The following ADAM12 variants were observed in gnomAD, a reference collection of about 807,000 sequenced individuals.
ADAM12 encodes disintegrin and metalloproteinase domain-containing protein 12.
In ADAM12, 70 loss-of-function variants were observed where a neutral mutation model predicts 106.4. The ratio of observed to expected loss-of-function variants is 0.66; its 90% CI spans 0.54 to 0.80. The LOEUF is 0.80. Ranked by LOEUF, ADAM12 falls within the 30% of genes least tolerant of loss-of-function variation. The pLI is 0.00. For missense variants in ADAM12, 1,010 were observed against 1,171.9 expected, an observed-to-expected ratio of 0.86 and a Z score of 2.02; for synonymous variants, 420 against 433.5, an observed-to-expected ratio of 0.97 and a Z score of 0.39.
intron 3 of ADAM12, among the ~76,000 whole-genome samples, chr10:126,193,673 G>T (rs1957544982): frequency 6.6e-6 from 1 of 152,138 alleles, no homozygotes; most frequent in South Asian, 2.1e-4. Context: ...GAAGCGAGTG[G>T]ATCACATGAG....
In ADAM12 at chr10:126,167,484, G is replaced by A. The variant is rs1212377224; in HGVS notation, c.261-12179C>T. ...AATCTATTTCCCACTTATTGCCATG[G>A]GTCAAAACTGAAAGGAACAACGAGG... On this transcript the variant is annotated intron_variant, in intron 3 of 22. Transcript: ENST00000448723. Among the ~76,000 whole-genome samples the A allele has an allele frequency of 2.0e-5, 3 of 152,156 alleles. 1 individual carries two copies. The highest frequency in any genetic ancestry group is 4.4e-5 in the Non-Finnish European group (3 of 68,030).
intron 14 of ADAM12, among the ~76,000 whole-genome samples, chr10:126,054,439 G>A (rs1395461956): frequency 1.3e-5 from 2 of 152,256 alleles, no homozygotes. Context: ...AGGTGTGGCT[G>A]AGAGAGTGAC....
At chr10:126,093,868 T>G in intron 11 of ADAM12, 117 bp downstream of exon 11, 4 of 1,486,694 alleles carry the variant, frequency 2.7e-6, no homozygotes, top group Non-Finnish European at 3.6e-6. Flanking sequence ...AATTACTTTT[T>G]GGAAGCTTCC....
chr10:126,261,310 C>T (rs912566057), intron 3 of ADAM12, among the ~76,000 whole-genome samples: 3 of 152,092 alleles, frequency 2.0e-5, no homozygotes, highest in South Asian at 2.1e-4. Context: ...AAACAACGAA[C>T]GGGCTGCATT....
chr10:126,345,641 T>C (rs975627187), intron 1 of ADAM12, among the ~76,000 whole-genome samples: 1 of 152,226 alleles, frequency 6.6e-6, no homozygotes, highest in African/African-American at 2.4e-5. Context: ...CGGCTGCGAA[T>C]CCGTCTGGTC....
intron 3 of ADAM12, 100 bp from the exon 4 acceptor site, chr10:126,155,405 T>C: frequency 7.8e-6 from 2 of 255,206 alleles, no homozygotes; most frequent in South Asian, 1.0e-4. Context: ...TGTGACCTCC[T>C]TTTTTTTTTT....
intron 2 of ADAM12, among the ~76,000 whole-genome samples, chr10:126,289,936 A>G (rs1960070824): frequency 6.6e-6 from 1 of 152,198 alleles, no homozygotes. Flanking sequence ...GAATGTGTGC[A>G]TATGTTACCT....
At chr10:126,371,930 T>C (rs1856125613) in intron 1 of ADAM12, among the ~76,000 whole-genome samples, 1 of 152,186 alleles carries the variant, frequency 6.6e-6, no homozygotes. Flanking sequence ...GTGAGTCCCA[T>C]ATAGCAGAGA....
chr10:126,265,279 A>T (rs1162094941), intron 3 of ADAM12, among the ~76,000 whole-genome samples: 1 of 152,238 alleles, frequency 6.6e-6, no homozygotes, highest in African/African-American at 2.4e-5. Flanking sequence ...CTCATATCTC[A>T]GGGAAACCAA....
chr10:126,123,180 A>C (rs1956144219), intron 5 of ADAM12, among the ~76,000 whole-genome samples: 1 of 152,228 alleles, frequency 6.6e-6, no homozygotes, highest in South Asian at 2.1e-4. Flanking sequence ...GAATTGCTGG[A>C]AACAACAGTG....
intron 3 of ADAM12, among the ~76,000 whole-genome samples, chr10:126,235,914 T>G: frequency 6.7e-6 from 1 of 150,310 alleles, no homozygotes; most frequent in Admixed American, 6.6e-5. Flanking sequence ...GAGGAGGGGG[T>G]GGCTGTACCA....
At chr10:126,277,498 A>T (rs1959322441) in intron 3 of ADAM12, among the ~76,000 whole-genome samples, 1 of 152,178 alleles carries the variant, frequency 6.6e-6, no homozygotes, top group Non-Finnish European at 1.5e-5. Flanking sequence ...TTGATCTTTC[A>T]GGGAATGCCT....
intron 1 of ADAM12, among the ~76,000 whole-genome samples, chr10:126,357,883 T>G (rs190947146): frequency 6.6e-6 from 1 of 152,334 alleles, no homozygotes; most frequent in Non-Finnish European, 1.5e-5. Flanking sequence ...ACAGCCAAGC[T>G]ATATTAGCTT....
intron 4 of ADAM12, among the ~76,000 whole-genome samples, chr10:126,141,812 G>C (rs989058173): frequency 3.9e-5 from 6 of 152,218 alleles, no homozygotes; most frequent in African/African-American, 1.4e-4. Context: ...TATTCTGAAT[G>C]CCTTCTTTAG....
At chr10:126,137,822 T>A (rs1011389995) in intron 4 of ADAM12, among the ~76,000 whole-genome samples, 14 of 152,370 alleles carry the variant, frequency 9.2e-5, no homozygotes, top group Admixed American at 9.1e-4. Flanking sequence ...TTGACTATTA[T>A]GAGTAACGTT....
chr10:126,086,346 G>A (rs1955340781), intron 11 of ADAM12, among the ~76,000 whole-genome samples: 2 of 151,970 alleles, frequency 1.3e-5, no homozygotes, highest in Admixed American at 6.6e-5. Flanking sequence ...CTGGAAAAAT[G>A]CAAGCAGTTC....
intron 4 of ADAM12, 101 bp from the exon 5 acceptor site, chr10:126,135,761 T>C (rs995786429): frequency 1.9e-5 from 19 of 1,026,898 alleles, no homozygotes; most frequent in Admixed American, 1.2e-4. Flanking sequence ...AATTTTCCAT[T>C]GCATAAAATA....
At chr10:126,344,878 C>T (rs559571996) in intron 1 of ADAM12, among the ~76,000 whole-genome samples, 13 of 152,220 alleles carry the variant, frequency 8.5e-5, no homozygotes, top group Admixed American at 2.6e-4. Flanking sequence ...GATTTTGTAT[C>T]CTGAGACTTT....
At chr10:126,086,668 AAAAAAAAAAAAAATAT>A (rs1213232628) in intron 11 of ADAM12, among the ~76,000 whole-genome samples, 78 of 47,816 alleles carry the variant, frequency 1.6e-3, no homozygotes, top group African/African-American at 0.011. Flanking sequence ...AAAAAAAAAA[AAAAAAAAAAAAAATAT>A]ATATATATAT....
Sources: allele counts gnomAD v4.1 joint callset (sites outside exome capture counted in the v4.1 genomes callset), GRCh38; gene constraint gnomAD v4.1.1; transcripts MANE v1.5; gene names NCBI Gene and HGNC (gene_info 2026-07-23, HGNC 2026-07-21).